The following CTNNA2 variants were observed in gnomAD, a reference collection of about 807,000 sequenced individuals.
CTNNA2 encodes catenin alpha-2.
A neutral mutation model predicts 101.0 loss-of-function variants in CTNNA2; 42 were observed. The observed-to-expected ratio is 0.42, with a 90% CI of 0.32 to 0.54. The LOEUF is 0.54. CTNNA2 is among the 20% of genes least tolerant of loss of function. The probability of loss-of-function intolerance (pLI) is 0.14; values close to 1 mark genes in which losing one functional copy is unlikely to be tolerated. For missense variants in CTNNA2, 871 were observed against 1,223.1 expected, an observed-to-expected ratio of 0.71 and a Z score of 4.29; for synonymous variants, 450 against 456.4, an observed-to-expected ratio of 0.99 and a Z score of 0.18.
At chr2:79,786,678 G>C (rs1203436890) in intron 3 of CTNNA2, among the ~76,000 whole-genome samples, 1 of 151,974 alleles carries the variant, frequency 6.6e-6, no homozygotes, top group East Asian at 1.9e-4. Flanking sequence ...CTTTCTAGAG[G>C]AGTACCATCC....
intron 7 of CTNNA2, among the ~76,000 whole-genome samples, chr2:80,095,403 G>C (rs1353183649): frequency 6.6e-6 from 1 of 151,556 alleles, no homozygotes; most frequent in Non-Finnish European, 1.5e-5. Context: ...GATTCAGTTT[G>C]CCAGTATTTT....
intron 3 of CTNNA2, among the ~76,000 whole-genome samples, chr2:79,772,854 A>G (rs1042509727): frequency 2.0e-5 from 3 of 152,200 alleles, no homozygotes; most frequent in Non-Finnish European, 1.5e-5. Flanking sequence ...TTACATACCT[A>G]ATGATTAGCA....
chr2:79,927,317 G>A (rs1281212539), intron 7 of CTNNA2, among the ~76,000 whole-genome samples: 3 of 152,114 alleles, frequency 2.0e-5, no homozygotes, highest in African/African-American at 7.2e-5. Context: ...TGCAGTGTTT[G>A]GGAACAGCTA....
At chr2:80,069,824 AT>A (rs1698214884) in intron 7 of CTNNA2, among the ~76,000 whole-genome samples, 1 of 152,144 alleles carries the variant, frequency 6.6e-6, no homozygotes, top group Admixed American at 6.5e-5. Flanking sequence ...TCTACTATGC[AT>A]TCTGTTCCCT....
At chr2:79,508,609 G>A (rs1423165123), upstream of CTNNA2, among the ~76,000 whole-genome samples, 3 of 152,066 alleles carry the variant, frequency 2.0e-5, no homozygotes, top group Non-Finnish European at 4.4e-5. Context: ...TTATTTTACT[G>A]CTTGATTAAT....
At chr2:79,679,705 C>T (rs1347130330) in intron 2 of CTNNA2, among the ~76,000 whole-genome samples, 1 of 152,122 alleles carries the variant, frequency 6.6e-6, no homozygotes, top group African/African-American at 2.4e-5. Context: ...TTTCAATGTC[C>T]TGCAGCCTCT....
At chr2:79,824,118 C>A (rs1226316719) in intron 3 of CTNNA2, among the ~76,000 whole-genome samples, 2 of 152,118 alleles carry the variant, frequency 1.3e-5, no homozygotes, top group Non-Finnish European at 2.9e-5. Flanking sequence ...AGCAGTCTAC[C>A]GTGCTTCAAC....
At chr2:79,897,334 G>GAA (rs5832417) in intron 6 of CTNNA2, among the ~76,000 whole-genome samples, 73 of 146,112 alleles carry the variant, frequency 5.0e-4, no homozygotes, top group South Asian at 1.8e-3. Context: ...GCTTTACCGA[G>GAA]AAAAAAAAAA....
chr2:80,162,538 A>G (rs953449636), intron 7 of CTNNA2: 7 of 1,605,070 alleles, frequency 4.4e-6, no homozygotes, highest in Non-Finnish European at 5.1e-6. Context: ...TCCTATCTTC[A>G]TAGAAGAAAT....
chr2:79,810,669 C>T (rs1676947111), intron 3 of CTNNA2, among the ~76,000 whole-genome samples: 1 of 151,176 alleles, frequency 6.6e-6, no homozygotes, highest in South Asian at 2.1e-4. Flanking sequence ...TAATGCTATA[C>T]CTCCCCCCTC....
intron 7 of CTNNA2, among the ~76,000 whole-genome samples, chr2:80,020,554 G>A (rs1013902342): frequency 6.6e-6 from 1 of 152,138 alleles, no homozygotes; most frequent in Non-Finnish European, 1.5e-5. Context: ...TTATTTTTAA[G>A]TGACTGACAA....
chr2:80,593,859 TTTTCTTTATCCACTCA>T (rs1333175194), intron 15 of CTNNA2, among the ~76,000 whole-genome samples: 1 of 152,156 alleles, frequency 6.6e-6, no homozygotes, highest in Non-Finnish European at 1.5e-5. Flanking sequence ...ACCACCCACA[TTTTCTTTATCCACTCA>T]TCTCTTAATA....
chr2:80,471,194 C>T (rs777874326), intron 9 of CTNNA2, among the ~76,000 whole-genome samples: 3 of 152,148 alleles, frequency 2.0e-5, no homozygotes, highest in East Asian at 3.9e-4. Context: ...TTTGGAAGAA[C>T]GGAAGCAGGA....
intron 17 of CTNNA2, among the ~76,000 whole-genome samples, chr2:80,610,604 T>C (rs373075339): frequency 6.0e-4 from 91 of 151,860 alleles, no homozygotes; most frequent in African/African-American, 2.1e-3. Flanking sequence ...TTGTTAGAAG[T>C]CAACCTCTCT....
At chr2:79,726,227 T>C (rs1212403833) in intron 2 of CTNNA2, among the ~76,000 whole-genome samples, 1 of 152,182 alleles carries the variant, frequency 6.6e-6, no homozygotes, top group Non-Finnish European at 1.5e-5. Flanking sequence ...AGTCAATAGA[T>C]AGATAGAGAT....
intron 7 of CTNNA2, among the ~76,000 whole-genome samples, chr2:80,290,458 A>ATGGTGAGGT (rs1331362924): frequency 6.6e-6 from 1 of 151,926 alleles, no homozygotes; most frequent in Non-Finnish European, 1.5e-5. Flanking sequence ...AAACCTCACC[A>ATGGTGAGGT]TGGTGAGGTT....
chr2:79,616,155 T>C (rs1678602170), intron 1 of CTNNA2, among the ~76,000 whole-genome samples: 1 of 152,202 alleles, frequency 6.6e-6, no homozygotes, highest in Non-Finnish European at 1.5e-5. Context: ...ATCTGCTCTA[T>C]GCATGATTAA....
chr2:79,290,425 C>A (rs1675768699), intron 2 of CTNNA2, among the ~76,000 whole-genome samples: 1 of 152,106 alleles, frequency 6.6e-6, no homozygotes, highest in Non-Finnish European at 1.5e-5. Context: ...CGGCCCTGTG[C>A]CCACGGACCT....
At chr2:79,828,373 G>A (rs746923761) in intron 3 of CTNNA2, among the ~76,000 whole-genome samples, 6 of 152,164 alleles carry the variant, frequency 3.9e-5, no homozygotes, top group Non-Finnish European at 7.4e-5. Flanking sequence ...CTAGAGCAGC[G>A]CAAAATAACG....
Sources: allele counts gnomAD v4.1 joint callset (sites outside exome capture counted in the v4.1 genomes callset), GRCh38; gene constraint gnomAD v4.1.1; transcripts MANE v1.5; gene names NCBI Gene and HGNC (gene_info 2026-07-23, HGNC 2026-07-21).